The following CCDC88A variants were observed in gnomAD, a reference collection of about 807,000 sequenced individuals.
The protein encoded by CCDC88A is girdin.
In CCDC88A, 54 loss-of-function variants were observed where a neutral mutation model predicts 234.3. The ratio of observed to expected loss-of-function variants is 0.23; its 90% CI spans 0.19 to 0.29. CCDC88A has a LOEUF of 0.29. Ranked by LOEUF, CCDC88A falls within the 10% of genes least tolerant of loss-of-function variation. CCDC88A has a pLI of 1.00. For missense variants in CCDC88A, 1,832 were observed against 2,123.4 expected (o/e 0.86, Z 2.70); for synonymous variants, 753 against 737.8 (o/e 1.02, Z -0.33).
At chr2:55,341,122 A>AAATGACAG (rs1668416598) in intron 12 of CCDC88A, among the ~76,000 whole-genome samples, 2 of 149,436 alleles carry the variant, frequency 1.3e-5, no homozygotes, top group Non-Finnish European at 3.0e-5. Flanking sequence ...ATATTGTTGC[A>AAATGACAG]AATGACAGAA....
chr2:55,373,274 T>G (rs1673103920), intron 4 of CCDC88A, among the ~76,000 whole-genome samples: 1 of 152,138 alleles, frequency 6.6e-6, no homozygotes, highest in Non-Finnish European at 1.5e-5. Flanking sequence ...GCTGAGCCAT[T>G]AATCACCATT....
intron 2 of CCDC88A, among the ~76,000 whole-genome samples, chr2:55,390,255 C>T (rs775169274): frequency 2.6e-5 from 4 of 152,106 alleles, no homozygotes; most frequent in Admixed American, 2.6e-4. Context: ...ATTGAATCCA[C>T]TGCTTATTAT....
intron 5 of CCDC88A, among the ~76,000 whole-genome samples, chr2:55,365,718 A>C (rs1327276508): frequency 1.3e-5 from 2 of 152,222 alleles, no homozygotes; most frequent in Non-Finnish European, 2.9e-5. Context: ...TTTTATAAAC[A>C]GGTTGGGCTT....
chr2:55,413,709 T>C (rs1362930374), intron 2 of CCDC88A, among the ~76,000 whole-genome samples: 4 of 152,058 alleles, frequency 2.6e-5, no homozygotes, highest in African/African-American at 7.2e-5. Context: ...TTTGTGCCTA[T>C]AATCCCAGAA....
intron 7 of CCDC88A, chr2:55,355,984 T>TATTTATTTA (rs1553414361): frequency 6.6e-6 from 2 of 305,166 alleles, no homozygotes. Flanking sequence ...CTTCCTAGTT[T>TATTTATTTA]TTTATTTATT....
intron 3 of CCDC88A, among the ~76,000 whole-genome samples, chr2:55,381,321 G>C (rs999491372): frequency 1.3e-5 from 2 of 152,116 alleles, no homozygotes; most frequent in Non-Finnish European, 2.9e-5. Context: ...GGAGGCTGAG[G>C]CAGATGGATC....
chr2:55,352,544 A>C (rs377698489), intron 8 of CCDC88A, among the ~76,000 whole-genome samples: 143 of 152,242 alleles, frequency 9.4e-4, no homozygotes, highest in African/African-American at 3.2e-3. Context: ...AAAAGGATGA[A>C]TTTTCTGACC....
At chr2:55,418,585 T>A in intron 2 of CCDC88A, 1 of 562,470 alleles carries the variant, frequency 1.8e-6, no homozygotes, top group East Asian at 2.8e-5. Context: ...TGACAATACA[T>A]GGTTGACAGA....
At chr2:55,390,911 G>A (rs893267419) in intron 2 of CCDC88A, among the ~76,000 whole-genome samples, 36 of 152,068 alleles carry the variant, frequency 2.4e-4, no homozygotes, top group African/African-American at 7.5e-4. Flanking sequence ...AAGCTAAAAC[G>A]GGAGGAATGC....
At chr2:55,323,684 G>T (rs1439523478) in intron 17 of CCDC88A, 1 of 152,000 alleles carries the variant, frequency 6.6e-6, no homozygotes, top group Non-Finnish European at 1.5e-5. Context: ...TTAAGAAAGG[G>T]GAGCTGAGAA....
At chr2:55,295,473 T>G (rs1321474764) in intron 31 of CCDC88A, 124 bp downstream of exon 31, 2 of 1,579,596 alleles carry the variant, frequency 1.3e-6, no homozygotes, top group Non-Finnish European at 1.7e-6. Flanking sequence ...TGTTCTTGAG[T>G]TTCTAGCCTG....
At position 55,335,032 on chromosome 2, in the gene CCDC88A, T is replaced by C; in HGVS notation, c.1789A>G (p.Lys597Glu). The C allele has an allele frequency of 6.2e-7, 1 of 1,611,248 alleles. No individual in the cohort carries two copies. Among genetic ancestry groups the C allele is most frequent in the African/African-American group, 1.3e-5 (1 of 74,942 alleles). ...TTGCTTAGCTTGCTACTTGTTTCTT[T>C]GATAGATTCATGAAGAATTTTGTTT... ...KENKILHESI[K>E]ETSSKLSKIE... The change falls in exon 15 of 33, where the codon AAA becomes GAA. Residue 597 changes from lysine to glutamate, a missense_variant. Physicochemically the swap from Lys to Glu is moderately conservative, Grantham distance 56 (BLOSUM62 1). Around this residue, in one of 6 missense-constraint regions of CCDC88A, gnomAD observed 1,282 missense variants for 1,543.6 expected, o/e 0.83. Coordinates refer to ENST00000436346, the MANE Select transcript of CCDC88A (RefSeq NM_001365480.1). The surrounding 1 kb of genome is among the most constrained non-coding windows in gnomAD (Gnocchi z 4.5).
chr2:55,370,471 G>A (rs1334692165), intron 5 of CCDC88A, among the ~76,000 whole-genome samples: 1 of 151,042 alleles, frequency 6.6e-6, no homozygotes, highest in Non-Finnish European at 1.5e-5. Context: ...GTGAAACCCT[G>A]TCTCTACTAA....
chr2:55,374,904 C>G (rs558691765), intron 3 of CCDC88A, 21 bp from the exon 4 acceptor site: 2 of 1,475,960 alleles, frequency 1.4e-6, no homozygotes, highest in African/African-American at 2.8e-5. Flanking sequence ...ATATCCAACA[C>G]TTGTTATATG....
At chr2:55,414,918 T>C (rs1681102948) in intron 2 of CCDC88A, among the ~76,000 whole-genome samples, 1 of 151,352 alleles carries the variant, frequency 6.6e-6, no homozygotes, top group Admixed American at 6.6e-5. Context: ...ATACAAAAAA[T>C]TAGCCAGGCG....
At position 55,336,673 on chromosome 2, in the gene CCDC88A, G is replaced by C. The variant is rs149748365; in HGVS notation, c.1656+8C>G. On this transcript the variant is annotated splice_region_variant and intron_variant, in intron 14 of 32. Coordinates refer to ENST00000436346, the MANE Select transcript of CCDC88A (RefSeq NM_001365480.1). ...ATACATTGTTTACTTAGTAAAAAATGTATGAACCTGTCTCTCTGAATTTTC... is the reference window on the plus strand; with the variant it reads ...ATACATTGTTTACTTAGTAAAAAATCTATGAACCTGTCTCTCTGAATTTTC... The C allele has an allele frequency of 2.6e-6, 4 of 1,525,912 alleles. No individual in the cohort carries two copies. In the African/African-American group the frequency reaches 5.7e-5, roughly 22 times the overall value. The allele number at this position is 1,525,912 out of a possible 1,614,324, so 94.5% of individuals were successfully genotyped here. A position where few individuals can be genotyped will look rare whatever the true frequency, so the allele number is the denominator to read the frequency against.
rs371764198 is a variant in CCDC88A at position 55,309,234 on chromosome 2, C to T, written c.4100G>A (p.Arg1367Lys). The change falls in exon 24 of 33, where the codon AGA (arginine) becomes AAA (lysine). Residue 1367 changes from arginine to lysine, a missense_variant. Physicochemically the swap from Arg to Lys is conservative, Grantham distance 26. Coordinates refer to ENST00000436346, the MANE Select transcript of CCDC88A (RefSeq NM_001365480.1). This position sits in a 1 kb window ranked among gnomAD's most constrained non-coding sequence, Gnocchi z 5.1. ...RQYIDKLNEL[R>K]RQKEKLEEKI... is the part of the protein sequence containing the mutation. Reference sequence around the variant, plus strand: ...CTCTTCTAGTTTCTCCTTCTGACGTCTTAATTCATTTAACTTATCACTATA... The same window carrying T: ...CTCTTCTAGTTTCTCCTTCTGACGTTTTAATTCATTTAACTTATCACTATA... 6.4e-5 allele frequency: 94 copies of T among 1,467,774 alleles called. No individual in the cohort carries two copies. The highest frequency in any genetic ancestry group is 8.0e-5 in the Non-Finnish European group (85 of 1,064,116). The allele number at this position is 1,467,774 out of a possible 1,614,324, so 90.9% of individuals were successfully genotyped here. A position where few individuals can be genotyped will look rare whatever the true frequency, so the allele number is the denominator to read the frequency against.
At chr2:55,299,759 C>A in intron 29 of CCDC88A, 80 bp downstream of exon 29, 3 of 876,558 alleles carry the variant, frequency 3.4e-6, no homozygotes, top group Non-Finnish European at 3.7e-6. Context: ...TCATGCTTTA[C>A]CCCAGAAACT....
intron 32 of CCDC88A, 93 bp downstream of exon 32, chr2:55,291,583 T>G: frequency 2.0e-6 from 1 of 497,582 alleles, no homozygotes. Flanking sequence ...AATATTTACA[T>G]CTGTTAATGC....
Sources: allele counts gnomAD v4.1 joint callset (sites outside exome capture counted in the v4.1 genomes callset), GRCh38; gene constraint gnomAD v4.1.1; regional missense constraint gnomAD v4.1.1; non-coding constraint Gnocchi (gnomAD v3.1); transcripts MANE v1.5; gene names NCBI Gene and HGNC (gene_info 2026-07-23, HGNC 2026-07-21).